Variants in CRHR1 observed in about 807,000 individuals in gnomAD.
CRHR1 encodes the protein corticotropin releasing hormone receptor 1.
In CRHR1, 28 loss-of-function variants were observed where a neutral mutation model predicts 56.0. That is an observed-to-expected ratio of 0.50 (90% CI 0.37 to 0.69). The LOEUF is 0.69. Ranked by LOEUF, CRHR1 falls within the 30% of genes least tolerant of loss-of-function variation. The pLI is 0.00. For synonymous variants in CRHR1, 195 were observed against 216.5 expected, an observed-to-expected ratio of 0.90 and a Z score of 0.87; for missense variants, 376 against 548.0, an observed-to-expected ratio of 0.69 and a Z score of 3.13.
intron 2 of CRHR1, among the ~76,000 whole-genome samples, chr17:45,815,929 C>A (rs1398588413): frequency 6.6e-6 from 1 of 152,158 alleles, no homozygotes; most frequent in Admixed American, 6.5e-5. Flanking sequence ...AACAGGCCAG[C>A]CGGAAGAAGG....
At position 45,833,483 on chromosome 17, in the gene CRHR1, G is replaced by T; in HGVS notation, c.875G>T (p.Arg292Leu). The change falls in exon 10 of 13, where the codon CGC becomes CTC. Residue 292 changes from arginine to leucine, a missense_variant. Transcript: ENST00000314537. ...TTCATCTTCCTTTTCAACATCGTCC[G>T]CATCCTCATGACCAAGCTCCGGGCA... ...INFIFLFNIV[R>L]ILMTKLRAST... The T allele has an allele frequency of 2.5e-6, 4 of 1,613,960 alleles. No homozygotes were observed. The highest frequency in any genetic ancestry group is 3.4e-6 in the Non-Finnish European group (4 of 1,179,994).
intron 2 of CRHR1, among the ~76,000 whole-genome samples, chr17:45,810,731 G>A (rs766362725): frequency 1.3e-5 from 2 of 152,170 alleles, no homozygotes; most frequent in Non-Finnish European, 2.9e-5. Flanking sequence ...CCACAGACCC[G>A]CAGGACAGGA....
At chr17:45,806,072 C>T (rs544671349) in intron 1 of CRHR1, among the ~76,000 whole-genome samples, 2 of 152,308 alleles carry the variant, frequency 1.3e-5, no homozygotes, top group East Asian at 1.9e-4. Context: ...CACTGAGGCA[C>T]ACAGAGGTCA....
At chr17:45,799,035 C>T (rs1023408494) in intron 1 of CRHR1, among the ~76,000 whole-genome samples, 1 of 152,180 alleles carries the variant, frequency 6.6e-6, no homozygotes, top group South Asian at 2.1e-4. Flanking sequence ...GGGCCAGGCC[C>T]GAGGCGGGAT....
At chr17:45,829,564 A>G in intron 5 of CRHR1, 1 of 1,550,134 alleles carries the variant, frequency 6.5e-7, no homozygotes, top group Non-Finnish European at 8.7e-7. Context: ...TACCCAGGCC[A>G]GGCTGCACCC....
chr17:45,829,813 C>T (rs938223481), intron 5 of CRHR1, among the ~76,000 whole-genome samples: 2 of 152,034 alleles, frequency 1.3e-5, no homozygotes, highest in African/African-American at 2.4e-5. Flanking sequence ...CCAGGGGAAG[C>T]GGGCATCGCC....
chr17:45,834,129 C>G, intron 12 of CRHR1, 81 bp downstream of exon 12: 2 of 1,530,296 alleles, frequency 1.3e-6, no homozygotes, highest in Admixed American at 3.4e-5. Context: ...CCTTCTCCTC[C>G]CCTCCCAGGG....
intron 1 of CRHR1, among the ~76,000 whole-genome samples, chr17:45,786,563 T>C (rs1293876421): frequency 1.3e-5 from 2 of 151,644 alleles, no homozygotes; most frequent in African/African-American, 4.9e-5. Flanking sequence ...AGCCAGTGAG[T>C]AGTGAAGTCA....
At chr17:45,824,147 C>T (rs1270268216) in intron 4 of CRHR1, among the ~76,000 whole-genome samples, 1 of 152,156 alleles carries the variant, frequency 6.6e-6, no homozygotes, top group Non-Finnish European at 1.5e-5. Context: ...ATGGCCTTGG[C>T]CTTGGCTGGT....
intron 1 of CRHR1, among the ~76,000 whole-genome samples, chr17:45,786,152 G>A (rs1027792710): frequency 1.1e-4 from 16 of 149,180 alleles, no homozygotes; most frequent in Middle Eastern, 6.9e-3. Flanking sequence ...AGGTTTACGC[G>A]GAAATAGATC....
chr17:45,794,843 G>A (rs1213388996), intron 1 of CRHR1, among the ~76,000 whole-genome samples: 1 of 151,898 alleles, frequency 6.6e-6, no homozygotes, highest in Non-Finnish European at 1.5e-5. Context: ...ACTTCTCCAG[G>A]GCCCAGGGCC....
intron 4 of CRHR1, among the ~76,000 whole-genome samples, chr17:45,828,885 C>T (rs371661855): frequency 2.6e-5 from 4 of 152,068 alleles, no homozygotes; most frequent in Non-Finnish European, 5.9e-5. Context: ...TGGGTAGATG[C>T]GAGTGTGAGG....
intron 1 of CRHR1, among the ~76,000 whole-genome samples, chr17:45,806,114 G>C (rs2061713646): frequency 6.6e-6 from 1 of 152,196 alleles, no homozygotes; most frequent in Non-Finnish European, 1.5e-5. Context: ...CAGCGTAACG[G>C]GGGGCTAGAC....
At chr17:45,813,940 C>T (rs2061874895) in intron 2 of CRHR1, among the ~76,000 whole-genome samples, 1 of 152,242 alleles carries the variant, frequency 6.6e-6, no homozygotes, top group African/African-American at 2.4e-5. Context: ...CCTTAGAGCT[C>T]CCAGCAGTGG....
At chr17:45,799,447 G>C (rs973017114) in intron 1 of CRHR1, 3 of 152,148 alleles carry the variant, frequency 2.0e-5, no homozygotes, top group Non-Finnish European at 4.4e-5. Flanking sequence ...CTTCATTTAT[G>C]ACCTCATTTC....
chr17:45,795,470 T>C (rs1192826404), intron 1 of CRHR1, among the ~76,000 whole-genome samples: 1 of 152,182 alleles, frequency 6.6e-6, no homozygotes, highest in Non-Finnish European at 1.5e-5. Context: ...CATTTTAGGA[T>C]GTTTATCAGC....
intron 9 of CRHR1, 108 bp from the exon 10 acceptor site, chr17:45,833,344 G>C: frequency 7.0e-7 from 1 of 1,438,472 alleles, no homozygotes; most frequent in South Asian, 1.2e-5. Context: ...AGATGTGCAG[G>C]TGCTCATGAG....
At chr17:45,825,527 T>G (rs1279458797) in intron 4 of CRHR1, 1 of 154,572 alleles carries the variant, frequency 6.5e-6, no homozygotes, top group Non-Finnish European at 1.5e-5. Flanking sequence ...CACACCGTGG[T>G]GGGACATGAA....
chr17:45,802,532 G>T (rs920501228), intron 1 of CRHR1, among the ~76,000 whole-genome samples: 1 of 152,190 alleles, frequency 6.6e-6, no homozygotes, highest in African/African-American at 2.4e-5. Flanking sequence ...GACTTTTCAT[G>T]GAAGTATGAT....
Sources: allele counts gnomAD v4.1 joint callset (sites outside exome capture counted in the v4.1 genomes callset), GRCh38; gene constraint gnomAD v4.1.1; transcripts MANE v1.5; gene names NCBI Gene and HGNC (gene_info 2026-07-23, HGNC 2026-07-21).